The following PIEZO1 variants were observed in gnomAD, a reference collection of about 807,000 sequenced individuals.
PIEZO1 encodes piezo type mechanosensitive ion channel component 1 (Er blood group), also known as piezo-type mechanosensitive ion channel component 1.
In PIEZO1, 296 loss-of-function variants were observed where a neutral mutation model predicts 297.2. The observed-to-expected ratio is 1.00, with a 90% confidence interval of 0.91 to 1.10. The LOEUF is 1.10. Ranked by LOEUF, PIEZO1 falls within the 50% of genes least tolerant of loss-of-function variation. The pLI is 0.00. For synonymous variants in PIEZO1, 2,427 were observed against 1,507.5 expected (o/e 1.61, Z -14.13); for missense variants, 5,018 against 3,455.5 (o/e 1.45, Z -11.34).
intron 2 of PIEZO1, among the ~76,000 whole-genome samples, chr16:88,748,446 C>A (rs1012036635): frequency 1.3e-5 from 2 of 151,510 alleles, no homozygotes; most frequent in Non-Finnish European, 2.9e-5. Context: ...ACAGTCCTGG[C>A]CCAGCTCAGA....
chr16:88,735,135 CTG>C lies in PIEZO1; in HGVS notation c.1667_1668del (p.Thr556ArgfsTer220). 1 of 1,550,172 alleles carries C rather than the reference CTG, an allele frequency of 6.5e-7. No individual in the cohort carries two copies. Among genetic ancestry groups the C allele is most frequent in the South Asian group, 1.2e-5 (1 of 84,068 alleles). ...AALTEVTVAD[T>X]EPTRTQTLLQ... ...CCCCCGCCTCTGGCCCACCACTCAC[CTG>C]TGTCTGCCACGGTGACCTCCGTCAG... is the stretch of plus-strand genomic sequence containing the variant. On this transcript the variant is annotated frameshift_variant and splice_region_variant, in exon 13 of 51. Transcript: ENST00000301015. LOFTEE classifies it high-confidence loss of function.
intron 2 of PIEZO1, among the ~76,000 whole-genome samples, chr16:88,747,257 G>A (rs994945793): frequency 6.7e-6 from 1 of 150,342 alleles, no homozygotes; most frequent in Non-Finnish European, 1.5e-5. Flanking sequence ...GCCAAGCACG[G>A]TAGCTCATGC....
chr16:88,777,363 G>A (rs1379539292), intron 1 of PIEZO1, among the ~76,000 whole-genome samples: 1 of 152,194 alleles, frequency 6.6e-6, no homozygotes, highest in African/African-American at 2.4e-5. Flanking sequence ...CTTACAGGCC[G>A]CCCATTGCAG....
intron 22 of PIEZO1, among the ~76,000 whole-genome samples, chr16:88,728,308 C>G (rs1904599704): frequency 6.6e-6 from 1 of 152,252 alleles, no homozygotes; most frequent in Admixed American, 6.5e-5. Context: ...TCCCTAAGGA[C>G]TGAGGGCATG....
chr16:88,768,497 C>A (rs1907277526), intron 1 of PIEZO1, among the ~76,000 whole-genome samples: 1 of 152,238 alleles, frequency 6.6e-6, no homozygotes, highest in Non-Finnish European at 1.5e-5. Flanking sequence ...TCTCACCCAC[C>A]ACATCCTGTT....
rs918154388 is a variant in PIEZO1, at chr16:88,723,082, C to T, written c.4495+13G>A. The T allele has an allele frequency of 3.2e-5, 49 of 1,546,878 alleles. No homozygotes were observed. The highest frequency in any genetic ancestry group is 6.0e-5 in the South Asian group (5 of 83,998). On this transcript the variant is annotated intron_variant, in intron 33 of 50. Coordinates refer to ENST00000301015, the MANE Select transcript of PIEZO1 (RefSeq NM_001142864.4). The stretch of plus-strand genomic sequence containing the variant: ...AGAGAGACCTCCCACTCCCCAGCCC[C>T]GGGCCCACGTACCTGCCGCTGCCTC...
Position 88,732,439 on chromosome 16 carries a change from C to A in PIEZO1, c.2887G>T (p.Ala963Ser). 3 of 1,549,702 alleles carry A rather than the reference C, an allele frequency of 1.9e-6. No homozygotes were observed. The highest frequency in any genetic ancestry group is 8.7e-7 in the Non-Finnish European group (1 of 1,146,518). The change falls in exon 21 of 51, where the codon GCC becomes TCC. Residue 963 changes from alanine (A) to serine (S), a missense_variant. Ala to Ser is a moderately conservative substitution (Grantham distance 99). Transcript: ENST00000301015. ...GTGCCGCTGGCAAACACGGCCTGGG[C>A]AGGCAGCGGGGCCAGCTGGTGCTGC... ...RRQHQLAPLPAQAVFASGTRQ... is the reference protein window; with the variant it reads ...RRQHQLAPLPSQAVFASGTRQ...
chr16:88,784,898 C>T lies in PIEZO1; in HGVS notation c.64+3G>A, dbSNP rs1218977204. On this transcript the variant is annotated splice_donor_region_variant and intron_variant, in intron 1 of 50. Transcript: ENST00000301015. ...CGCCCCCAGGCGCCCGCCCCCCACTCACCAGCCAGCAGCGCGCAGGGCAGC... is the reference window on the plus strand; with the variant it reads ...CGCCCCCAGGCGCCCGCCCCCCACTTACCAGCCAGCAGCGCGCAGGGCAGC... 6.9e-7 allele frequency: 1 copy of T among 1,439,132 alleles called. No homozygotes were observed. The highest frequency in any genetic ancestry group is 3.2e-5 in the East Asian group (1 of 31,202). 89.1% of individuals were successfully genotyped at this position (1,439,132 alleles called of 1,614,324 possible).
rs1053223841 is a variant in PIEZO1 at position 88,719,882 on chromosome 16, G to A, written c.6243C>T (p.Ile2081=). 3.9e-6 allele frequency: 6 copies of A among 1,550,436 alleles called. No homozygotes were observed. In the African/African-American group the frequency reaches 5.5e-5, roughly 14 times the overall value. The part of the protein sequence containing the change: ...CIYFALSAYQ[I]RCGYPTRILG... ...GGATGCGGGTGGGGTAGCCGCAGCG[G>A]ATCTGGTAGGCGGACAGGGCGAAGT... Residue 2081 remains isoleucine, a synonymous_variant, in exon 43 of 51, where the codon ATC becomes ATT. Coordinates refer to ENST00000301015, the MANE Select transcript of PIEZO1 (RefSeq NM_001142864.4).
rs1160324016 is a variant in PIEZO1 at position 88,721,245 on chromosome 16, G to C, written c.5589C>G (p.Pro1863=). The change falls in exon 39 of 51, where the codon CCC becomes CCG. Residue 1863 remains proline, a synonymous_variant. Coordinates refer to ENST00000301015, the MANE Select transcript of PIEZO1 (RefSeq NM_001142864.4). Reference sequence around the variant, plus strand: ...GTAGACTGATGCGCCTCGTATCACGGGGCCTGAGCTCCACTTGGGGTTCTG... The same window carrying C: ...GTAGACTGATGCGCCTCGTATCACGCGGCCTGAGCTCCACTTGGGGTTCTG... The part of the protein sequence containing the change: ...GTPEPQVELR[P]RDTRRISLRF... 2 of 1,542,002 alleles carry C rather than the reference G, an allele frequency of 1.3e-6. No individual in the cohort carries two copies. The highest frequency in any genetic ancestry group is 1.7e-6 in the Non-Finnish European group (2 of 1,146,164).
intron 2 of PIEZO1, 88 bp from the exon 3 acceptor site, chr16:88,742,510 C>G (rs11648555): frequency 7.1e-7 from 1 of 1,411,510 alleles, no homozygotes; most frequent in Non-Finnish European, 9.5e-7. Flanking sequence ...GCCCCCAGCC[C>G]GGCCAGAGCC....
chr16:88,772,693 C>T (rs1422402628), intron 1 of PIEZO1, among the ~76,000 whole-genome samples: 2 of 151,252 alleles, frequency 1.3e-5, no homozygotes, highest in African/African-American at 2.4e-5. Context: ...GCAGGAGAAT[C>T]GCTTGAACCT....
At chr16:88,770,729 C>T (rs1480041220) in intron 1 of PIEZO1, among the ~76,000 whole-genome samples, 6 of 152,212 alleles carry the variant, frequency 3.9e-5, no homozygotes, top group Admixed American at 3.9e-4. Context: ...ACCAAGTCAC[C>T]CTGAGCACGC....
At chr16:88,734,172 T>G (rs1905057522) in intron 16 of PIEZO1, 118 bp from the exon 17 acceptor site, 2 of 1,339,654 alleles carry the variant, frequency 1.5e-6, no homozygotes, top group Non-Finnish European at 2.0e-6. Context: ...GGTGCACAGC[T>G]GTGTCGCAAC....
chr16:88,755,515 G>T (rs1286788455), intron 1 of PIEZO1, among the ~76,000 whole-genome samples: 3 of 152,184 alleles, frequency 2.0e-5, no homozygotes, highest in Non-Finnish European at 4.4e-5. Flanking sequence ...GCCCCAGATC[G>T]GGCGTTTGGG....
rs1327329568 is a variant in PIEZO1 at position 88,723,346 on chromosome 16, G to C, written c.4336-18C>G. The C allele has an allele frequency of 3.3e-6, 5 of 1,536,372 alleles. No homozygotes were observed. The highest frequency in any genetic ancestry group is 1.2e-5 in the South Asian group (1 of 83,996). On this transcript the variant is annotated intron_variant, in intron 31 of 50. Coordinates refer to ENST00000301015, the MANE Select transcript of PIEZO1 (RefSeq NM_001142864.4). ...TACGCCAGCTGTCGGCCAGCCCCCG[G>C]GTTAGGACCCGGCCTCCCGAGCCAT...
intron 5 of PIEZO1, chr16:88,739,660 CA>C (rs1905505246): frequency 6.6e-6 from 1 of 152,398 alleles, no homozygotes. Context: ...ACAGATGAAC[CA>C]GACCAGTCCT....
intron 1 of PIEZO1, among the ~76,000 whole-genome samples, chr16:88,777,890 C>T (rs1907738600): frequency 6.6e-6 from 1 of 152,198 alleles, no homozygotes; most frequent in African/African-American, 2.4e-5. Flanking sequence ...GGCAGGTGGC[C>T]TCCCTAAACC....
At chr16:88,763,808 C>T (rs1009558944) in intron 1 of PIEZO1, among the ~76,000 whole-genome samples, 1 of 152,212 alleles carries the variant, frequency 6.6e-6, no homozygotes, top group Non-Finnish European at 1.5e-5. Flanking sequence ...GCCCCGCCCC[C>T]AGCATTCCAG....
Sources: allele counts gnomAD v4.1 joint callset (sites outside exome capture counted in the v4.1 genomes callset), GRCh38; gene constraint gnomAD v4.1.1; transcripts MANE v1.5; gene names NCBI Gene and HGNC (gene_info 2026-07-23, HGNC 2026-07-21).